FAM193A: variants seen among roughly 807,000 people sequenced by gnomAD.
The protein encoded by FAM193A is protein FAM193A.
Under a neutral mutation model 126.5 loss-of-function variants are expected in FAM193A, and 22 were observed. The ratio of observed to expected loss-of-function variants is 0.17; its 90% CI spans 0.12 to 0.25. FAM193A has a LOEUF of 0.25. FAM193A is among the 10% of genes least tolerant of loss of function. FAM193A has a pLI of 1.00. For missense variants in FAM193A, 1,675 were observed against 1,672.8 expected (o/e 1.00, Z -0.02); for synonymous variants, 761 against 646.8 (o/e 1.18, Z -2.68).
At chr4:2,684,863 C>G (rs931508400) in intron 13 of FAM193A, among the ~76,000 whole-genome samples, 4 of 152,198 alleles carry the variant, frequency 2.6e-5, no homozygotes, top group African/African-American at 9.7e-5. Flanking sequence ...AGTAGCCCCT[C>G]TTACCTAGCA....
intron 1 of FAM193A, among the ~76,000 whole-genome samples, chr4:2,549,200 A>C (rs1403536835): frequency 1.5e-4 from 22 of 151,704 alleles, no homozygotes; most frequent in Non-Finnish European, 1.5e-5. Context: ...CAGCCTCCCA[A>C]AGTGCTGGGA....
Position 2,695,127 on chromosome 4 carries a change from G to C in FAM193A, c.3274G>C (p.Gly1092Arg). The C allele has an allele frequency of 6.3e-7, 1 of 1,595,382 alleles. No individual in the cohort carries two copies. The highest frequency in any genetic ancestry group is 8.5e-7 in the Non-Finnish European group (1 of 1,170,138). ...CCYCEFFGHG[G>R]PPAAPTSRNY... ...CTACTGCGAATTCTTTGGGCACGGC[G>C]GGGTGAGTGCATGAGGTCAGCGCAT... The change falls in exon 17 of 21, where the codon GGG becomes CGG. Residue 1092 changes from glycine (G) to arginine (R), a missense_variant and splice_region_variant. Physicochemically the swap from Gly to Arg is moderately radical, Grantham distance 125. This residue lies in a region of FAM193A where 54 missense variants were observed against 114.8 expected (regional missense o/e 0.47). Coordinates refer to ENST00000637812, the MANE Select transcript of FAM193A (RefSeq NM_001366318.2).
rs575662316 is a variant in FAM193A, at chr4:2,666,141, C to T, written c.2079+2853C>T. On this transcript the variant is annotated intron_variant, in intron 12 of 20. Coordinates refer to ENST00000637812, the MANE Select transcript of FAM193A (RefSeq NM_001366318.2). ...TCAAGTATAGGTTTTTCATAGATGC[C>T]CTTTATTGGGTTAAGGAAATTCTAT... Among the ~76,000 whole-genome samples, 5 of 152,064 alleles carry T rather than the reference C, an allele frequency of 3.3e-5. No homozygotes were observed. In the East Asian group the frequency reaches 9.7e-4, roughly 29 times the overall value.
At chr4:2,707,849 A>G (rs773257675) in intron 19 of FAM193A, among the ~76,000 whole-genome samples, 3 of 151,684 alleles carry the variant, frequency 2.0e-5, no homozygotes, top group Non-Finnish European at 2.9e-5. Context: ...CCTGGGTTCA[A>G]GCAGTTCTCA....
chr4:2,598,910 C>T (rs1211836698), intron 2 of FAM193A, among the ~76,000 whole-genome samples: 1 of 152,222 alleles, frequency 6.6e-6, no homozygotes, highest in Admixed American at 6.5e-5. Flanking sequence ...CAGCTCTGTG[C>T]TCACGGCCTT....
Position 2,700,542 on chromosome 4 carries a change from T to C in FAM193A, c.4370T>C (p.Ile1457Thr), listed in dbSNP as rs1279183070. The change falls in exon 19 of 21, where the codon ATT becomes ACT. Residue 1457 changes from isoleucine to threonine, a missense_variant and splice_region_variant. By Grantham distance (89) the Ile-to-Thr change is moderately conservative (BLOSUM62 -1). Coordinates refer to ENST00000637812, the MANE Select transcript of FAM193A (RefSeq NM_001366318.2). ...KKKGDRVNNS[I>T]DDVFLPKDID... Reference sequence around the variant, plus strand: ...AAAGGAGACAGAGTCAACAATTCAATTGGTAAATACAGAATAGCGGGAAGG... The same window carrying C: ...AAAGGAGACAGAGTCAACAATTCAACTGGTAAATACAGAATAGCGGGAAGG... The C allele has an allele frequency of 1.2e-6, 2 of 1,610,606 alleles. No individual in the cohort carries two copies. Among genetic ancestry groups the C allele is most frequent in the South Asian group, 1.1e-5 (1 of 90,602 alleles).
intron 1 of FAM193A, among the ~76,000 whole-genome samples, chr4:2,591,061 G>T (rs1740544619): frequency 6.6e-6 from 1 of 151,700 alleles, no homozygotes; most frequent in South Asian, 2.1e-4. Context: ...TTGTACAGGA[G>T]TTGTAGTAAT....
rs1304093844 is a variant in FAM193A, at chr4:2,659,801, T to C, written c.1503-11T>C. ...TGGTTGGCTTGGTAACTGTCCTTAA[T>C]TCCTGATCAGATGTGCTTGCGATGA... On this transcript the variant is annotated splice_polypyrimidine_tract_variant and intron_variant, in intron 9 of 20. Coordinates refer to ENST00000637812, the MANE Select transcript of FAM193A (RefSeq NM_001366318.2). 2.5e-6 allele frequency: 4 copies of C among 1,614,046 alleles called. No individual in the cohort carries two copies. In the East Asian group the frequency reaches 8.9e-5, roughly 36 times the overall value.
chr4:2,710,584 C>G (rs1289155256), intron 19 of FAM193A, among the ~76,000 whole-genome samples: 2 of 152,024 alleles, frequency 1.3e-5, no homozygotes, highest in Admixed American at 1.3e-4. Flanking sequence ...TCACTGCAAC[C>G]TCAACTTCCC....
intron 10 of FAM193A, among the ~76,000 whole-genome samples, chr4:2,660,263 A>G (rs1430646288): frequency 6.6e-6 from 1 of 152,132 alleles, no homozygotes; most frequent in Non-Finnish European, 1.5e-5. Flanking sequence ...AACATGGTAA[A>G]TTAATAAAGG....
At chr4:2,601,073 T>C (rs1007770978) in intron 2 of FAM193A, among the ~76,000 whole-genome samples, 1 of 152,094 alleles carries the variant, frequency 6.6e-6, no homozygotes, top group Non-Finnish European at 1.5e-5. Context: ...TGCGGTATGA[T>C]AGTGCCACTG....
chr4:2,728,602 C>T (rs2109436374), intron 20 of FAM193A, among the ~76,000 whole-genome samples: 1 of 152,080 alleles, frequency 6.6e-6, no homozygotes, highest in African/African-American at 2.4e-5. Flanking sequence ...AATTTTGTTC[C>T]CTCTTCAGAG....
chr4:2,709,833 C>G (rs1053759146), intron 19 of FAM193A, among the ~76,000 whole-genome samples: 6 of 152,214 alleles, frequency 3.9e-5, no homozygotes, highest in African/African-American at 1.4e-4. Flanking sequence ...TGCAAGCCCC[C>G]TGGACCTGGT....
At position 2,663,001 on chromosome 4, in the gene FAM193A, T is replaced by A; in HGVS notation, c.1899+10T>A. On this transcript the variant is annotated intron_variant, in intron 11 of 20. Transcript: ENST00000637812. ...GGCCCTGAAGGATGAGGTATGGACA[T>A]GGCTTCTTCGTAGCAACAATAAATG... is the stretch of plus-strand genomic sequence containing the variant. 1 of 1,604,446 alleles carries A rather than the reference T, an allele frequency of 6.2e-7. No individual in the cohort carries two copies. Among genetic ancestry groups the A allele is most frequent in the South Asian group, 1.1e-5 (1 of 90,780 alleles).
chr4:2,663,254 C>T lies in FAM193A; in HGVS notation c.2045C>T (p.Ala682Val). The change falls in exon 12 of 21, where the codon GCA (alanine) becomes GTA (valine). Residue 682 changes from alanine to valine, a missense_variant. Physicochemically the swap from Ala to Val is moderately conservative, Grantham distance 64 (BLOSUM62 0). Transcript: ENST00000637812. Reference sequence around the variant, plus strand: ...AGCCCCAGGACAGAGGAGAGCAAAGCAGACAGTCCACCCCCATCCTACCCA... The same window carrying T: ...AGCCCCAGGACAGAGGAGAGCAAAGTAGACAGTCCACCCCCATCCTACCCA... ...SRSPRTEESKADSPPPSYPTQ... is the reference protein window; with the variant it reads ...SRSPRTEESKVDSPPPSYPTQ... The T allele has an allele frequency of 6.2e-7, 1 of 1,611,694 alleles. No individual in the cohort carries two copies. The highest frequency in any genetic ancestry group is 8.5e-7 in the Non-Finnish European group (1 of 1,179,248).
At chr4:2,694,664 G>A (rs1399616373) in intron 16 of FAM193A, among the ~76,000 whole-genome samples, 1 of 152,204 alleles carries the variant, frequency 6.6e-6, no homozygotes, top group Non-Finnish European at 1.5e-5. Context: ...TGTGGTGGCA[G>A]GGGCAGTCTC....
chr4:2,609,687 T>G (rs1741745380), intron 2 of FAM193A, among the ~76,000 whole-genome samples: 1 of 152,134 alleles, frequency 6.6e-6, no homozygotes, highest in African/African-American at 2.4e-5. Flanking sequence ...CCCGGCACTT[T>G]GGGAGGCCGA....
At chr4:2,728,136 G>A (rs138711930) in intron 20 of FAM193A, among the ~76,000 whole-genome samples, 322 of 151,354 alleles carry the variant, frequency 2.1e-3, no homozygotes, top group African/African-American at 6.7e-3. Flanking sequence ...TCTCCATGTT[G>A]GTCAGGCTGG....
chr4:2,672,126 A>G lies in FAM193A; in HGVS notation c.2085A>G (p.Glu695=), dbSNP rs952413929. The part of the protein sequence containing the change: ...PPPSYPTQQA[E]QAPNTCECHV... ...TTTTTTTTCTTTCCTCTTAGGCTGA[A>G]CAAGCTCCAAACACTTGTGAATGTC... Residue 695 remains glutamate, a synonymous_variant, in exon 13 of 21, where the codon GAA becomes GAG. Coordinates refer to ENST00000637812, the MANE Select transcript of FAM193A (RefSeq NM_001366318.2). 3 of 1,614,148 alleles carry G rather than the reference A, an allele frequency of 1.9e-6. No homozygotes were observed. The highest frequency in any genetic ancestry group is 1.7e-6 in the Non-Finnish European group (2 of 1,179,998).
Sources: gnomAD v4.1 joint callset for allele counts (sites outside exome capture counted in the v4.1 genomes callset) on GRCh38, gnomAD v4.1.1 for gene constraint, gnomAD v4.1.1 regional missense constraint, MANE v1.5 for transcripts, NCBI Gene and HGNC (gene_info 2026-07-23, HGNC 2026-07-21) for gene names.